Variants in CFAP44 observed in about 807,000 individuals in gnomAD.
The protein encoded by CFAP44 is cilia- and flagella-associated protein 44.
A neutral mutation model predicts 216.2 loss-of-function variants in CFAP44; 134 were observed. That is an observed-to-expected ratio of 0.62 (90% confidence interval 0.54 to 0.72). The LOEUF is 0.72. Ranked by LOEUF, CFAP44 falls within the 30% of genes least tolerant of loss-of-function variation. CFAP44 has a pLI of 0.00. For synonymous variants in CFAP44, 700 were observed against 727.6 expected (o/e 0.96, Z 0.61); for missense variants, 2,035 against 2,182.1 (o/e 0.93, Z 1.34).
Position 113,330,181 on chromosome 3 carries a change from T to C in CFAP44, c.4103A>G (p.Tyr1368Cys), listed in dbSNP as rs758614660. The change falls in exon 26 of 35, where the codon TAT (tyrosine) becomes TGT (cysteine). Residue 1368 changes from tyrosine to cysteine, a missense_variant. Physicochemically the swap from Tyr to Cys is radical, Grantham distance 194 (BLOSUM62 -2). Transcript: ENST00000393845. ...TTCACCCCTTACCCTGTTGACCAAA[T>C]ACTGTTGCATGTACACGTGTTTAAT... is the stretch of plus-strand genomic sequence containing the variant. ...DEIKHVYMQQ[Y>C]LVNRIKELVV... The C allele has an allele frequency of 1.7e-5, 26 of 1,534,238 alleles. No individual in the cohort carries two copies. Among genetic ancestry groups the C allele is most frequent in the Non-Finnish European group, 2.0e-5 (23 of 1,144,832 alleles).
chr3:113,420,950 G>A (rs1559944247), intron 4 of CFAP44, among the ~76,000 whole-genome samples: 1 of 152,070 alleles, frequency 6.6e-6, no homozygotes, highest in Admixed American at 6.6e-5. Context: ...ATGTGTTTGT[G>A]TGTATGTATG....
At chr3:113,391,933 A>G (rs544446786) in intron 15 of CFAP44, among the ~76,000 whole-genome samples, 197 of 152,292 alleles carry the variant, frequency 1.3e-3, no homozygotes, top group African/African-American at 4.5e-3. Context: ...AGTAAATTAT[A>G]CTGTTGGTAG....
intron 32 of CFAP44, among the ~76,000 whole-genome samples, chr3:113,302,772 CAA>C (rs57355375): frequency 1.3e-4 from 6 of 44,508 alleles, no homozygotes; most frequent in Non-Finnish European, 2.4e-4. Context: ...GACTCCATCT[CAA>C]AAAAAAAAAA....
At chr3:113,331,114 G>T (rs1317305669) in intron 25 of CFAP44, among the ~76,000 whole-genome samples, 1 of 152,146 alleles carries the variant, frequency 6.6e-6, no homozygotes, top group African/African-American at 2.4e-5. Context: ...CAAACTACAG[G>T]TTAGCCTATT....
intron 6 of CFAP44, among the ~76,000 whole-genome samples, chr3:113,412,217 C>T (rs1019684317): frequency 2.0e-5 from 3 of 152,076 alleles, no homozygotes; most frequent in African/African-American, 7.2e-5. Context: ...AAGAGGAACT[C>T]AAATTGTCCC....
At chr3:113,306,944 C>A (rs985791544) in intron 29 of CFAP44, among the ~76,000 whole-genome samples, 2 of 152,048 alleles carry the variant, frequency 1.3e-5, no homozygotes, top group East Asian at 1.9e-4. Flanking sequence ...TTTTTAAAGA[C>A]CATTGTATTC....
intron 32 of CFAP44, among the ~76,000 whole-genome samples, chr3:113,301,035 A>T (rs1267930783): frequency 6.6e-6 from 1 of 152,148 alleles, no homozygotes; most frequent in Admixed American, 6.5e-5. Context: ...TCTTGTAAAC[A>T]TATACCATGT....
chr3:113,327,841 C>A (rs759144544), intron 26 of CFAP44, 22 bp from the exon 27 acceptor site: 1 of 1,533,064 alleles, frequency 6.5e-7, no homozygotes, highest in South Asian at 1.2e-5. Context: ...AAAATATTTG[C>A]GGATACGTTA....
rs1949869782 is a variant in CFAP44, at chr3:113,295,259, T to C, written c.5239-438A>G. On this transcript the variant is annotated intron_variant, in intron 33 of 34. Coordinates refer to ENST00000393845, the MANE Select transcript of CFAP44 (RefSeq NM_001164496.2). ...TAATGGCTTTCTTTTGTTTTCTTAT[T>C]GCTCCATCGGTTGCTCACTGCAACC... Among the ~76,000 whole-genome samples the C allele has an allele frequency of 1.3e-5, 2 of 152,202 alleles. 1 individual carries two copies. Among genetic ancestry groups the C allele is most frequent in the East Asian group, 3.8e-4 (2 of 5,202 alleles).
chr3:113,409,838 G>A (rs1045029269), intron 6 of CFAP44, among the ~76,000 whole-genome samples: 2 of 152,170 alleles, frequency 1.3e-5, no homozygotes, highest in Non-Finnish European at 2.9e-5. Flanking sequence ...GCGACCTCTG[G>A]TCGTCCTCAC....
intron 5 of CFAP44, among the ~76,000 whole-genome samples, chr3:113,419,451 TATTA>T (rs1464131784): frequency 1.3e-5 from 2 of 152,212 alleles, no homozygotes; most frequent in East Asian, 3.8e-4. Flanking sequence ...TTGCTGAACT[TATTA>T]ATTAGTCTTA....
chr3:113,432,638 T>A (rs993472130), intron 2 of CFAP44, among the ~76,000 whole-genome samples: 11 of 152,202 alleles, frequency 7.2e-5, no homozygotes, highest in African/African-American at 2.7e-4. Flanking sequence ...CCACTTGCTA[T>A]CTCTCCGCCC....
At chr3:113,360,928 A>T (rs77731523) in intron 21 of CFAP44, 24 of 210,394 alleles carry the variant, frequency 1.1e-4, no homozygotes, top group East Asian at 1.4e-4. Context: ...TACTAATATA[A>T]AAAAAAAAAA....
At chr3:113,395,894 A>T (rs756121139) in intron 14 of CFAP44, 34 bp from the exon 15 acceptor site, 14 of 1,508,064 alleles carry the variant, frequency 9.3e-6, no homozygotes, top group Non-Finnish European at 1.1e-5. Context: ...CGAAATATAT[A>T]TTACTATGAA....
At chr3:113,363,038 A>T in intron 21 of CFAP44, 107 bp downstream of exon 21, 1 of 1,398,312 alleles carries the variant, frequency 7.2e-7, no homozygotes, top group Non-Finnish European at 9.3e-7. Context: ...AAAGAAACAA[A>T]CAAAAAAGAA....
At chr3:113,311,458 A>G (rs111640200) in intron 28 of CFAP44, among the ~76,000 whole-genome samples, 36,845 of 152,064 alleles carry the variant, frequency 0.24, 4,651 homozygotes, top group East Asian at 0.41. Context: ...CTGCTTTTGC[A>G]TCTTTCTCAT....
chr3:113,373,027 C>T (rs192808258), intron 18 of CFAP44, among the ~76,000 whole-genome samples: 3 of 152,268 alleles, frequency 2.0e-5, no homozygotes, highest in East Asian at 1.9e-4. Context: ...TATATTGGGT[C>T]GTCAGAAGAA....
rs56301009 is a variant in CFAP44 at position 113,409,006 on chromosome 3, C to CAAAAAAAAAA, written c.890+90_890+99dup. On this transcript the variant is annotated intron_variant, in intron 7 of 34. Coordinates refer to ENST00000393845, the MANE Select transcript of CFAP44 (RefSeq NM_001164496.2). ...ATAATTCTAATGTTAACCAAAACAGCAAAAAAAAAAAAAAAAAAAAAAAGT... is the reference window on the plus strand; with the variant it reads ...ATAATTCTAATGTTAACCAAAACAGCAAAAAAAAAAAAAAAAAAAAAAAAAAAAAAAAAGT... 156 of 319,328 alleles carry CAAAAAAAAAA rather than the reference C, an allele frequency of 4.9e-4. 3 individuals are homozygous for CAAAAAAAAAA. The highest frequency in any genetic ancestry group is 9.8e-4 in the African/African-American group (28 of 28,696). 19.8% of individuals were successfully genotyped at this position (319,328 alleles called of 1,614,324 possible). A position where few individuals can be genotyped will look rare whatever the true frequency, so the allele number is the denominator to read the frequency against.
chr3:113,384,669 C>T (rs1010186136), intron 15 of CFAP44, among the ~76,000 whole-genome samples: 1 of 152,168 alleles, frequency 6.6e-6, no homozygotes, highest in African/African-American at 2.4e-5. Flanking sequence ...TCATAAGAAA[C>T]TAAATCTACC....
Sources: allele counts gnomAD v4.1 joint callset (sites outside exome capture counted in the v4.1 genomes callset), GRCh38; gene constraint gnomAD v4.1.1; transcripts MANE v1.5; gene names NCBI Gene and HGNC (gene_info 2026-07-23, HGNC 2026-07-21).